Variants in MAPK10 observed in about 807,000 individuals in gnomAD.
MAPK10 encodes JNK3 alpha protein kinase.
A neutral mutation model predicts 59.3 loss-of-function variants in MAPK10; 25 were observed. The ratio of observed to expected loss-of-function variants is 0.42; its 90% CI spans 0.31 to 0.59. MAPK10 has a LOEUF of 0.59. MAPK10 is among the 20% of genes least tolerant of loss of function. MAPK10 has a pLI of 0.15. For missense variants in MAPK10, 351 were observed against 568.9 expected (o/e 0.62, Z 3.90); for synonymous variants, 190 against 200.5 (o/e 0.95, Z 0.44).
intron 1 of MAPK10, among the ~76,000 whole-genome samples, chr4:86,387,914 C>A (rs1282603905): frequency 6.6e-6 from 1 of 151,134 alleles, no homozygotes; most frequent in African/African-American, 2.4e-5. Context: ...CTTAGAGTAG[C>A]TAGAAAGTTG....
chr4:86,221,004 G>A (rs541273192), intron 2 of MAPK10, among the ~76,000 whole-genome samples: 11 of 149,412 alleles, frequency 7.4e-5, no homozygotes, highest in South Asian at 2.1e-4. Context: ...CTTTTGGTAC[G>A]TTCTCCCTTT....
intron 1 of MAPK10, among the ~76,000 whole-genome samples, chr4:86,408,095 C>G (rs533633445): frequency 6.7e-6 from 1 of 150,280 alleles, no homozygotes; most frequent in Admixed American, 6.7e-5. Flanking sequence ...GTTCCCCGCC[C>G]TGTGTCCATG....
chr4:86,406,978 C>T (rs887135080), intron 1 of MAPK10, among the ~76,000 whole-genome samples: 1 of 152,188 alleles, frequency 6.6e-6, no homozygotes, highest in African/African-American at 2.4e-5. Flanking sequence ...ATCTCCTGCA[C>T]AACCCATGTT....
chr4:86,516,591 C>A (rs1756681689), intron 1 of MAPK10, among the ~76,000 whole-genome samples: 1 of 152,030 alleles, frequency 6.6e-6, no homozygotes, highest in African/African-American at 2.4e-5. Context: ...TCGTAAAGAT[C>A]TTTCACCTCT....
intron 9 of MAPK10, among the ~76,000 whole-genome samples, chr4:86,069,971 T>TA (rs2047485577): frequency 6.6e-6 from 1 of 152,188 alleles, no homozygotes; most frequent in East Asian, 1.9e-4. Context: ...TGGAATTTGT[T>TA]AAATAAGAAT....
chr4:86,035,011 C>T (rs1015100101), intron 11 of MAPK10, among the ~76,000 whole-genome samples: 1 of 151,910 alleles, frequency 6.6e-6, no homozygotes, highest in Non-Finnish European at 1.5e-5. Flanking sequence ...AACATGTCGT[C>T]AGAAGTGACA....
intron 1 of MAPK10, among the ~76,000 whole-genome samples, chr4:86,480,154 A>G: frequency 6.6e-6 from 1 of 152,144 alleles, no homozygotes; most frequent in Non-Finnish European, 1.5e-5. Flanking sequence ...AAGAATCACA[A>G]AAGAAGTGAT....
intron 1 of MAPK10, among the ~76,000 whole-genome samples, chr4:86,556,730 C>T (rs1760298079): frequency 6.6e-6 from 1 of 152,060 alleles, no homozygotes; most frequent in Admixed American, 6.5e-5. Context: ...ATTCGTGGAG[C>T]CCTTTCGAGT....
intron 6 of MAPK10, 148 bp from the exon 7 acceptor site, chr4:86,102,180 TG>T (rs1184325900): frequency 2.9e-6 from 2 of 683,026 alleles, no homozygotes; most frequent in African/African-American, 3.6e-5. Flanking sequence ...TTCCAGGTAT[TG>T]CATGTGTGTT....
intron 1 of MAPK10, among the ~76,000 whole-genome samples, chr4:86,491,570 C>A (rs1312215595): frequency 6.6e-6 from 1 of 152,182 alleles, no homozygotes; most frequent in Non-Finnish European, 1.5e-5. Context: ...GCAGCTCTGG[C>A]TCCAGCACTT....
At chr4:86,525,116 C>T (rs943668444) in intron 1 of MAPK10, among the ~76,000 whole-genome samples, 1 of 151,686 alleles carries the variant, frequency 6.6e-6, no homozygotes, top group Non-Finnish European at 1.5e-5. Flanking sequence ...GGCAACATGG[C>T]GAAACCCCGT....
intron 2 of MAPK10, chr4:86,300,688 CA>C (rs1200731334): frequency 4.6e-5 from 7 of 152,062 alleles, no homozygotes; most frequent in African/African-American, 1.4e-4. Flanking sequence ...CTCTTAAAAG[CA>C]ATGGGATCAT....
At chr4:86,525,851 A>T (rs1401439088) in intron 1 of MAPK10, among the ~76,000 whole-genome samples, 3 of 152,198 alleles carry the variant, frequency 2.0e-5, no homozygotes, top group Non-Finnish European at 4.4e-5. Flanking sequence ...ACAAAGCAAA[A>T]ATCTGAAGAT....
intron 1 of MAPK10, among the ~76,000 whole-genome samples, chr4:86,372,583 G>GAAAAGAAAAGAA (rs1291608737): frequency 6.1e-5 from 9 of 146,434 alleles, no homozygotes; most frequent in Non-Finnish European, 1.1e-4. Context: ...GAAAAGAAAA[G>GAAAAGAAAAGAA]AAAAGAAAAG....
intron 1 of MAPK10, among the ~76,000 whole-genome samples, chr4:86,491,002 T>C (rs1437296526): frequency 6.6e-6 from 1 of 152,176 alleles, no homozygotes; most frequent in East Asian, 1.9e-4. Flanking sequence ...CTAGCTAAAT[T>C]CCCTCAGTCC....
chr4:86,166,922 A>G (rs1370528233), intron 3 of MAPK10, among the ~76,000 whole-genome samples: 1 of 152,196 alleles, frequency 6.6e-6, no homozygotes, highest in Non-Finnish European at 1.5e-5. Flanking sequence ...ACCTTCAAAA[A>G]TCAATGAATC....
intron 9 of MAPK10, among the ~76,000 whole-genome samples, chr4:86,076,162 T>A (rs1266858177): frequency 6.6e-6 from 1 of 152,168 alleles, no homozygotes; most frequent in African/African-American, 2.4e-5. Flanking sequence ...ATTTTCCAGG[T>A]GCGTCTGTCA....
intron 1 of MAPK10, among the ~76,000 whole-genome samples, chr4:86,550,769 CA>C (rs1759715178): frequency 6.6e-6 from 1 of 152,120 alleles, no homozygotes; most frequent in Non-Finnish European, 1.5e-5. Flanking sequence ...TGGGCTTAAC[CA>C]AAATTTAATT....
At position 86,107,280 on chromosome 4, in the gene MAPK10, T is replaced by C. The variant is rs1186867037; in HGVS notation, c.309A>G (p.Thr103=). ...GCTCCCGGTACGCTCTCTTGGCATG[T>C]GTTTGGTTCTGAAAGGGTCTGCTGA... The part of the protein sequence containing the change: ...KKLSRPFQNQ[T]HAKRAYRELV... The change falls in exon 5 of 14, where the codon ACA becomes ACG. Residue 103 remains threonine (T), a synonymous_variant. Transcript: ENST00000641462. The C allele has an allele frequency of 8.1e-6, 13 of 1,613,308 alleles. No homozygotes were observed. The highest frequency in any genetic ancestry group is 1.0e-5 in the Non-Finnish European group (12 of 1,179,550).
Sources: gnomAD v4.1 joint callset for allele counts (sites outside exome capture counted in the v4.1 genomes callset) on GRCh38, gnomAD v4.1.1 for gene constraint, MANE v1.5 for transcripts, NCBI Gene and HGNC (gene_info 2026-07-23, HGNC 2026-07-21) for gene names.